The following LINGO1 variants were observed in gnomAD, a reference collection of about 807,000 sequenced individuals.
LINGO1 encodes leucine rich repeat and Ig domain containing 1, also known as leucine-rich repeat and immunoglobulin-like domain-containing nogo receptor-interacting protein 1.
A neutral mutation model predicts 37.3 loss-of-function variants in LINGO1; 11 were observed. The ratio of observed to expected loss-of-function variants is 0.29; its 90% CI spans 0.19 to 0.49. The LOEUF (loss-of-function observed/expected upper bound fraction) is 0.49. Ranked by LOEUF, LINGO1 falls within the 20% of genes least tolerant of loss-of-function variation. The pLI, the probability that LINGO1 is intolerant of heterozygous loss-of-function variation, is 0.99. For missense variants in LINGO1, 585 were observed against 878.2 expected (o/e 0.67, Z 4.22); for synonymous variants, 387 against 403.0 (o/e 0.96, Z 0.48).
intron 2 of LINGO1, among the ~76,000 whole-genome samples, chr15:77,677,491 G>T (rs190150209): frequency 1.3e-5 from 2 of 152,222 alleles, no homozygotes; most frequent in Non-Finnish European, 2.9e-5. Context: ...ACCTCTGCAA[G>T]TTTTGTTCAC....
At chr15:77,619,638 G>A (rs2073855014) in intron 1 of LINGO1, among the ~76,000 whole-genome samples, 1 of 151,924 alleles carries the variant, frequency 6.6e-6, no homozygotes, top group Admixed American at 6.6e-5. Context: ...AGTGAACTGT[G>A]ATTGTGCCAC....
intron 2 of LINGO1, among the ~76,000 whole-genome samples, chr15:77,713,003 C>T (rs1180938294): frequency 1.3e-5 from 2 of 152,094 alleles, no homozygotes; most frequent in African/African-American, 2.4e-5. Context: ...CTTTAAAAAT[C>T]CCCTTCCTTC....
intron 1 of LINGO1, among the ~76,000 whole-genome samples, chr15:77,621,679 C>A (rs1349322643): frequency 5.3e-5 from 8 of 152,198 alleles, no homozygotes; most frequent in African/African-American, 1.9e-4. Context: ...CCAAACCCGA[C>A]AAAAGCCTTT....
chr15:77,660,901 C>G (rs2074978307), intron 3 of LINGO1, among the ~76,000 whole-genome samples: 1 of 152,186 alleles, frequency 6.6e-6, no homozygotes. Context: ...GCGGCTGTGC[C>G]TGAGCCTGGC....
intron 1 of LINGO1, among the ~76,000 whole-genome samples, chr15:77,799,693 G>T (rs983543868): frequency 6.6e-6 from 1 of 152,240 alleles, no homozygotes; most frequent in Non-Finnish European, 1.5e-5. Flanking sequence ...GGTGAGCAGA[G>T]AACCAGTGAG....
chr15:77,773,904 C>T (rs546256516), intron 1 of LINGO1, among the ~76,000 whole-genome samples: 2 of 152,220 alleles, frequency 1.3e-5, no homozygotes, highest in African/African-American at 4.8e-5. Flanking sequence ...AACATCCCCT[C>T]AGGCTCCTGC....
chr15:77,679,899 C>T (rs181780522), intron 2 of LINGO1, among the ~76,000 whole-genome samples: 26 of 152,294 alleles, frequency 1.7e-4, no homozygotes, highest in African/African-American at 6.0e-4. Flanking sequence ...GAGTCACAGC[C>T]GTGGCTCTTC....
intron 2 of LINGO1, among the ~76,000 whole-genome samples, chr15:77,723,518 C>T (rs1005079584): frequency 1.3e-5 from 2 of 152,224 alleles, no homozygotes; most frequent in African/African-American, 4.8e-5. Context: ...TGCGCCTCTC[C>T]ATCAACCCTT....
intron 3 of LINGO1, among the ~76,000 whole-genome samples, chr15:77,672,650 C>A (rs1014240802): frequency 6.6e-6 from 1 of 152,096 alleles, no homozygotes; most frequent in Non-Finnish European, 1.5e-5. Flanking sequence ...AGGCGATGAC[C>A]CTGGACATGA....
At chr15:77,620,169 G>A (rs186337567) in intron 1 of LINGO1, among the ~76,000 whole-genome samples, 2 of 152,380 alleles carry the variant, frequency 1.3e-5, no homozygotes, top group Non-Finnish European at 2.9e-5. Flanking sequence ...GGTATTTTAT[G>A]CATTTTAATC....
chr15:77,674,357 T>A (rs907086546), intron 3 of LINGO1, among the ~76,000 whole-genome samples: 4 of 152,206 alleles, frequency 2.6e-5, no homozygotes, highest in Non-Finnish European at 4.4e-5. Flanking sequence ...GCTTCACAGC[T>A]GCCAGAGGGA....
intron 3 of LINGO1, among the ~76,000 whole-genome samples, chr15:77,653,042 C>T (rs1382187318): frequency 6.6e-6 from 1 of 152,228 alleles, no homozygotes; most frequent in Non-Finnish European, 1.5e-5. Context: ...GGCAAAGAAG[C>T]TCTCAGAATC....
chr15:77,668,983 G>A (rs1241966228), intron 3 of LINGO1, among the ~76,000 whole-genome samples: 1 of 152,200 alleles, frequency 6.6e-6, no homozygotes, highest in East Asian at 1.9e-4. Flanking sequence ...CTAGACGCTG[G>A]GAAGCAAAGC....
intron 2 of LINGO1, among the ~76,000 whole-genome samples, chr15:77,704,843 C>T (rs1468272089): frequency 6.6e-6 from 1 of 152,126 alleles, no homozygotes; most frequent in Non-Finnish European, 1.5e-5. Context: ...ACTGTGCACA[C>T]ACTGAGCCCT....
upstream of LINGO1, among the ~76,000 whole-genome samples, chr15:77,787,692 A>G (rs1246288639): frequency 5.3e-5 from 8 of 152,076 alleles, no homozygotes; most frequent in African/African-American, 1.7e-4. Flanking sequence ...CGGTGTGCCC[A>G]TCTTCAGCGT....
intron 3 of LINGO1, among the ~76,000 whole-genome samples, chr15:77,668,792 TACACACACACACACACACACACACACAC>T (rs34476518): frequency 3.0e-5 from 4 of 134,900 alleles, no homozygotes; most frequent in African/African-American, 1.1e-4. Flanking sequence ...CACAGGGGAA[TACACACACACACACACACACACACACAC>T]ACACACACAC....
chr15:77,775,923 C>T (rs776227439), intron 1 of LINGO1, among the ~76,000 whole-genome samples: 66 of 152,302 alleles, frequency 4.3e-4, no homozygotes, highest in Admixed American at 2.0e-3. Context: ...CAGCATCCCC[C>T]CCATGCCCTC....
At chr15:77,771,259 A>G (rs1383123424) in intron 1 of LINGO1, among the ~76,000 whole-genome samples, 3 of 152,214 alleles carry the variant, frequency 2.0e-5, no homozygotes, top group South Asian at 2.1e-4. Flanking sequence ...TACACATGCA[A>G]TATCATTACA....
At chr15:77,628,699 T>C (rs1596009020) in intron 1 of LINGO1, among the ~76,000 whole-genome samples, 1 of 152,268 alleles carries the variant, frequency 6.6e-6, no homozygotes, top group East Asian at 1.9e-4. Context: ...GTATTATTAC[T>C]GCTACTACGA....
Sources: allele counts gnomAD v4.1 joint callset (sites outside exome capture counted in the v4.1 genomes callset), GRCh38; gene constraint gnomAD v4.1.1; transcripts MANE v1.5; gene names NCBI Gene and HGNC (gene_info 2026-07-23, HGNC 2026-07-21).